Variants in SRCIN1 observed in about 807,000 individuals in gnomAD.
SRCIN1 encodes SRC kinase signaling inhibitor 1, also known as P130Cas-associated protein.
Under a neutral mutation model 116.2 loss-of-function variants are expected in SRCIN1, and 50 were observed. The observed-to-expected ratio is 0.43, with a 90% CI of 0.34 to 0.54. The LOEUF is 0.54. SRCIN1 is among the 20% of genes least tolerant of loss of function. The probability of loss-of-function intolerance (pLI) is 0.02; values close to 1 mark genes in which losing one functional copy is unlikely to be tolerated. For missense variants in SRCIN1, 1,446 were observed against 1,672.0 expected, an observed-to-expected ratio of 0.86 and a Z score of 2.36; for synonymous variants, 736 against 750.0, an observed-to-expected ratio of 0.98 and a Z score of 0.30.
intron 18 of SRCIN1, among the ~76,000 whole-genome samples, chr17:38,535,991 C>T (rs896227554): frequency 5.3e-5 from 8 of 152,172 alleles, no homozygotes; most frequent in African/African-American, 9.7e-5. Context: ...ACTTGTCTTC[C>T]GGCACCACCA....
At chr17:38,561,385 G>C (rs1026956122) in intron 7 of SRCIN1, 78 bp downstream of exon 7, 3 of 1,403,890 alleles carry the variant, frequency 2.1e-6, no homozygotes, top group African/African-American at 3.0e-5. Context: ...ACACACACCT[G>C]CCACGGACTC....
rs1408392424 is a variant in SRCIN1 at position 38,530,999 on chromosome 17, A to G, written c.*2298T>C. ...CCAGCCCATAAATGTGCAGGAACCAAAGAGAAAGAAAGATGCAAATCCCAC... is the reference window on the plus strand; with the variant it reads ...CCAGCCCATAAATGTGCAGGAACCAGAGAGAAAGAAAGATGCAAATCCCAC... On this transcript the variant is annotated 3_prime_UTR_variant, in exon 19 of 19. Coordinates refer to ENST00000617146, the MANE Select transcript of SRCIN1 (RefSeq NM_025248.3). 6.6e-6 allele frequency: 1 copy of G among 152,368 alleles called. No homozygotes were observed. The highest frequency in any genetic ancestry group is 1.5e-5 in the Non-Finnish European group (1 of 68,108). 9.4% of individuals were successfully genotyped at this position (152,368 alleles called of 1,614,324 possible). A position where few individuals can be genotyped will look rare whatever the true frequency, so the allele number is the denominator to read the frequency against.
intron 1 of SRCIN1, among the ~76,000 whole-genome samples, chr17:38,600,823 G>T (rs745958301): frequency 1.3e-5 from 2 of 152,222 alleles, no homozygotes; most frequent in Non-Finnish European, 2.9e-5. Context: ...TGAGGGCAGG[G>T]GTCCCCTCGA....
intron 1 of SRCIN1, among the ~76,000 whole-genome samples, chr17:38,594,959 C>T (rs1298361128): frequency 6.6e-6 from 1 of 152,088 alleles, no homozygotes; most frequent in Non-Finnish European, 1.5e-5. Context: ...ACTTGGAGGC[C>T]AAGTAACTGC....
At chr17:38,559,209 T>G (rs1906026556) in intron 10 of SRCIN1, 2 of 288,472 alleles carry the variant, frequency 6.9e-6, no homozygotes, top group Non-Finnish European at 1.3e-5. Context: ...GGGCTCTCGC[T>G]GACTCAGGGA....
intron 18 of SRCIN1, among the ~76,000 whole-genome samples, chr17:38,533,734 C>T (rs1363445723): frequency 1.2e-5 from 1 of 85,420 alleles, no homozygotes; most frequent in Non-Finnish European, 2.2e-5. Context: ...AGGCCGCGCC[C>T]AGGATGGGCA....
chr17:38,543,375 G>A (rs971293275), intron 18 of SRCIN1, among the ~76,000 whole-genome samples: 2 of 152,226 alleles, frequency 1.3e-5, no homozygotes, highest in African/African-American at 4.8e-5. Flanking sequence ...GGAGCCCTGG[G>A]AAGAGGGAGA....
At position 38,558,197 on chromosome 17, in the gene SRCIN1, C is replaced by A. The variant is rs1205721850; in HGVS notation, c.2201+30G>T. 8.1e-6 allele frequency: 13 copies of A among 1,604,158 alleles called. No individual in the cohort carries two copies. The highest frequency in any genetic ancestry group is 1.1e-5 in the Non-Finnish European group (13 of 1,173,972). The stretch of plus-strand genomic sequence containing the variant: ...GCGGGTCACTCCAGCCGCACCCCCA[C>A]CCCTCCCTCCGCCGCGGGCCCAGCC... On this transcript the variant is annotated intron_variant, in intron 11 of 18. Transcript: ENST00000617146. This position sits in a 1 kb window ranked among gnomAD's most constrained non-coding sequence, Gnocchi z 4.6.
chr17:38,586,535 C>A (rs1417991338), intron 1 of SRCIN1, among the ~76,000 whole-genome samples: 1 of 150,186 alleles, frequency 6.7e-6, no homozygotes, highest in African/African-American at 2.4e-5. Context: ...ACATGGACTC[C>A]CTTCCCCAGG....
rs1906401502 is a variant in SRCIN1, at chr17:38,563,185, G to A, written c.740+138C>T. On this transcript the variant is annotated intron_variant, in intron 5 of 18. Coordinates refer to ENST00000617146, the MANE Select transcript of SRCIN1 (RefSeq NM_025248.3). The surrounding 1 kb of genome is among the most constrained non-coding windows in gnomAD (Gnocchi z 5.8). ...CTGAGATGGCCGAGGAAGGGGGCGG[G>A]GCGGTAGGGCTCTGGGAGGGGAGGG... The A allele has an allele frequency of 2.1e-6, 2 of 964,426 alleles. No individual in the cohort carries two copies. Among genetic ancestry groups the A allele is most frequent in the Non-Finnish European group, 1.5e-6 (1 of 653,290 alleles). The allele number at this position is 964,426 out of a possible 1,614,324, so 59.7% of individuals were successfully genotyped here. A position where few individuals can be genotyped will look rare whatever the true frequency, so the allele number is the denominator to read the frequency against.
chr17:38,603,468 C>T (rs1909177858), intron 1 of SRCIN1, among the ~76,000 whole-genome samples: 1 of 152,088 alleles, frequency 6.6e-6, no homozygotes, highest in Admixed American at 6.5e-5. Context: ...CCACTCAGCA[C>T]TCCCCGAGGA....
chr17:38,563,660 GCACCCAGGCACCTCTCATGCTGC>G lies in SRCIN1; in HGVS notation c.542-162_542-140del. The G allele has an allele frequency of 8.6e-7, 1 of 1,156,762 alleles. No individual in the cohort carries two copies. Among genetic ancestry groups the G allele is most frequent in the Non-Finnish European group, 1.2e-6 (1 of 801,588 alleles). The allele number at this position is 1,156,762 out of a possible 1,614,324, so 71.7% of individuals were successfully genotyped here. On this transcript the variant is annotated intron_variant, in intron 4 of 18. Coordinates refer to ENST00000617146, the MANE Select transcript of SRCIN1 (RefSeq NM_025248.3). This position sits in a 1 kb window ranked among gnomAD's most constrained non-coding sequence, Gnocchi z 5.8. ...CTAGACGCCGCCCCCGAGTGCAGAT[GCACCCAGGCACCTCTCATGCTGC>G]CGGCGGGGGCGCCAGGCCGGCTCTC...
At position 38,552,415 on chromosome 17, in the gene SRCIN1, C is replaced by T. The variant is rs766443777; in HGVS notation, c.2480+32G>A. 6.3e-7 allele frequency: 1 copy of T among 1,585,056 alleles called. No individual in the cohort carries two copies. Among genetic ancestry groups the T allele is most frequent in the Non-Finnish European group, 8.6e-7 (1 of 1,167,190 alleles). On this transcript the variant is annotated intron_variant, in intron 13 of 18. Coordinates refer to ENST00000617146, the MANE Select transcript of SRCIN1 (RefSeq NM_025248.3). This position sits in a 1 kb window ranked among gnomAD's most constrained non-coding sequence, Gnocchi z 5.3. ...TGGGTCTGGGCCCGGTGTGTGAACC[C>T]ATGGGAAATCAGAGGTCAGGGACAG... is the stretch of plus-strand genomic sequence containing the variant.
intron 18 of SRCIN1, among the ~76,000 whole-genome samples, chr17:38,537,060 C>T (rs754830575): frequency 2.6e-4 from 39 of 152,032 alleles, no homozygotes; most frequent in Non-Finnish European, 4.4e-4. Flanking sequence ...CACCTGTAGT[C>T]CCAGCTACCT....
intron 18 of SRCIN1, among the ~76,000 whole-genome samples, chr17:38,540,532 C>A: frequency 6.6e-6 from 1 of 152,046 alleles, no homozygotes; most frequent in East Asian, 1.9e-4. Flanking sequence ...GAAGAAAGGG[C>A]CTGAGAAGAC....
Position 38,559,580 on chromosome 17 carries a change from G to A in SRCIN1, c.2025+5C>T, listed in dbSNP as rs1343157605. 1.3e-6 allele frequency: 2 copies of A among 1,598,122 alleles called. No homozygotes were observed. Among genetic ancestry groups the A allele is most frequent in the Non-Finnish European group, 8.5e-7 (1 of 1,178,902 alleles). ...GGTGGGGCGGGGCCCAGGACGGGGC[G>A]GTACCTGGAGCTTGCGCAACTGCTG... On this transcript the variant is annotated splice_donor_5th_base_variant and intron_variant, in intron 10 of 18. Coordinates refer to ENST00000617146, the MANE Select transcript of SRCIN1 (RefSeq NM_025248.3).
At chr17:38,538,819 C>A (rs887633903) in intron 18 of SRCIN1, among the ~76,000 whole-genome samples, 152,282 of 152,282 alleles carry the variant, frequency 1, 76,141 homozygotes, top group Non-Finnish European at 1. Context: ...GTAGCAGGCA[C>A]ACTCGGGTTT....
At chr17:38,569,462 T>C (rs534907797) in intron 2 of SRCIN1, among the ~76,000 whole-genome samples, 29 of 152,244 alleles carry the variant, frequency 1.9e-4, no homozygotes, top group African/African-American at 6.7e-4. Context: ...CAGGGTGTCC[T>C]GGGCCACCTG....
At chr17:38,592,498 G>C (rs994018839) in intron 1 of SRCIN1, among the ~76,000 whole-genome samples, 3 of 152,218 alleles carry the variant, frequency 2.0e-5, no homozygotes, top group African/African-American at 7.2e-5. Context: ...AAACAGAACA[G>C]GCAGAAGGAC....
Sources: gnomAD v4.1 joint callset for allele counts (sites outside exome capture counted in the v4.1 genomes callset) on GRCh38, gnomAD v4.1.1 for gene constraint, Gnocchi (gnomAD v3.1) non-coding constraint, MANE v1.5 for transcripts, NCBI Gene and HGNC (gene_info 2026-07-23, HGNC 2026-07-21) for gene names.